ABI3BP: variants seen among roughly 807,000 people sequenced by gnomAD.
ABI3BP encodes ABI family member 3 binding protein, also known as target of Nesh-SH3.
ABI3BP carries 216 observed loss-of-function variants against 268.6 expected under a neutral mutation model. The ratio of observed to expected loss-of-function variants is 0.80; its 90% confidence interval spans 0.72 to 0.90. The LOEUF (loss-of-function observed/expected upper bound fraction) is 0.90. Among genes scored for constraint, ABI3BP ranks in the 40% least tolerant of loss-of-function variants. The pLI is 0.00. For missense variants in ABI3BP, 2,090 were observed against 2,182.4 expected (o/e 0.96, Z 0.84); for synonymous variants, 730 against 730.0 (o/e 1.00, Z 0.00).
At chr3:100,828,690 G>C (rs2098433754) in intron 33 of ABI3BP, among the ~76,000 whole-genome samples, 1 of 152,082 alleles carries the variant, frequency 6.6e-6, no homozygotes, top group Non-Finnish European at 1.5e-5. Flanking sequence ...TCCATGTGAA[G>C]TGTCCCAGGA....
rs149574897 is a variant in ABI3BP, at chr3:100,816,184, A to G, written c.3230-213T>C. The G allele has an allele frequency of 2.9e-3, 1,485 of 518,672 alleles. 16 individuals carry two copies. The highest frequency in any genetic ancestry group is 0.026 in the African/African-American group (1,348 of 51,528). The allele number at this position is 518,672 out of a possible 1,614,324, so 32.1% of individuals were successfully genotyped here. On this transcript the variant is annotated intron_variant, in intron 43 of 67. Transcript: ENST00000471714. ...AGTTACAACCTTTGAACTCTGTTACATATCTTGATATTATCCACATGAGGT... is the reference window on the plus strand; with the variant it reads ...AGTTACAACCTTTGAACTCTGTTACGTATCTTGATATTATCCACATGAGGT...
chr3:100,857,528 T>G (rs547160650), intron 14 of ABI3BP, among the ~76,000 whole-genome samples: 2 of 152,290 alleles, frequency 1.3e-5, no homozygotes, highest in African/African-American at 4.8e-5. Flanking sequence ...AGAATAAGCT[T>G]CAGGGACTGG....
At chr3:100,785,759 A>G (rs2097020453) in intron 57 of ABI3BP, among the ~76,000 whole-genome samples, 1 of 152,134 alleles carries the variant, frequency 6.6e-6, no homozygotes, top group African/African-American at 2.4e-5. Context: ...TGCTGGTGTG[A>G]ATTTTGGCAG....
chr3:100,819,489 T>G (rs2098142309), intron 40 of ABI3BP, among the ~76,000 whole-genome samples: 1 of 152,166 alleles, frequency 6.6e-6, no homozygotes, highest in Admixed American at 6.5e-5. Flanking sequence ...TTGACTATAC[T>G]ACAGAGTAAG....
In ABI3BP at chr3:100,803,974, T is replaced by C. The variant is rs539196394; in HGVS notation, c.3757+818A>G. On this transcript the variant is annotated intron_variant, in intron 51 of 67. Transcript: ENST00000471714. The stretch of plus-strand genomic sequence containing the variant: ...TCATTTTAAACTATAGCTTAGAAAT[T>C]CTTTGGCTCTGGAAATGTTCTATAT... 1.6e-4 allele frequency among the ~76,000 whole-genome samples: 24 copies of C among 152,296 alleles called. No individual in the cohort carries two copies. The South Asian group carries it at 4.8e-3, about 30-fold the overall frequency.
chr3:100,914,401 G>A (rs913425729), intron 2 of ABI3BP: 6 of 453,974 alleles, frequency 1.3e-5, no homozygotes. Context: ...GGCAGGCTGA[G>A]CTCATACTAA....
At chr3:100,839,443 G>A in intron 24 of ABI3BP, 126 bp downstream of exon 24, 1 of 1,018,216 alleles carries the variant, frequency 9.8e-7, no homozygotes, top group Admixed American at 2.0e-5. Flanking sequence ...AGACAGGAAA[G>A]GTGAGGAAAA....
At chr3:100,937,084 C>T (rs2153693439) in intron 1 of ABI3BP, among the ~76,000 whole-genome samples, 1 of 152,090 alleles carries the variant, frequency 6.6e-6, no homozygotes, top group East Asian at 1.9e-4. Flanking sequence ...ATTTGGCCTG[C>T]AGGTCATAGT....
chr3:100,867,653 A>G (rs961652026), intron 9 of ABI3BP, among the ~76,000 whole-genome samples: 1 of 150,432 alleles, frequency 6.6e-6, no homozygotes, highest in Admixed American at 6.6e-5. Context: ...AAAAAAAAAA[A>G]AAAAAAAAGA....
At chr3:100,850,966 T>C (rs1313873815) in intron 15 of ABI3BP, among the ~76,000 whole-genome samples, 1 of 152,246 alleles carries the variant, frequency 6.6e-6, no homozygotes, top group African/African-American at 2.4e-5. Flanking sequence ...GTTTTATACA[T>C]TCAACTGGTT....
chr3:100,822,732 T>C, intron 37 of ABI3BP, 60 bp from the exon 38 acceptor site: 1 of 1,461,744 alleles, frequency 6.8e-7, no homozygotes, highest in South Asian at 1.2e-5. Flanking sequence ...CTGGAAGCTG[T>C]GTGAGGTAAA....
intron 26 of ABI3BP, among the ~76,000 whole-genome samples, chr3:100,837,904 G>T (rs2098629705): frequency 6.6e-6 from 1 of 152,120 alleles, no homozygotes; most frequent in Admixed American, 6.6e-5. Flanking sequence ...TTACTAAAAT[G>T]ACTTTCAAAA....
intron 1 of ABI3BP, among the ~76,000 whole-genome samples, chr3:100,941,274 C>T (rs986485322): frequency 6.6e-6 from 1 of 151,938 alleles, no homozygotes; most frequent in Non-Finnish European, 1.5e-5. Context: ...AGACATGCTC[C>T]CACACGCAAC....
intron 1 of ABI3BP, among the ~76,000 whole-genome samples, chr3:100,936,354 G>A (rs2066128104): frequency 6.6e-6 from 1 of 152,122 alleles, no homozygotes; most frequent in Non-Finnish European, 1.5e-5. Context: ...TAAGCTTTTT[G>A]ATGTGCTGCT....
chr3:100,923,907 C>T (rs1457974683), intron 2 of ABI3BP, among the ~76,000 whole-genome samples: 4 of 152,226 alleles, frequency 2.6e-5, no homozygotes, highest in Non-Finnish European at 4.4e-5. Context: ...GCTGAGACCA[C>T]CTAAACACAT....
intron 4 of ABI3BP, among the ~76,000 whole-genome samples, chr3:100,897,778 T>A (rs1233194927): frequency 6.6e-6 from 1 of 152,252 alleles, no homozygotes; most frequent in Admixed American, 6.5e-5. Flanking sequence ...GTTTAAATTA[T>A]ACCTCAATAA....
chr3:100,821,897 A>G (rs1579027387), intron 38 of ABI3BP, among the ~76,000 whole-genome samples: 2 of 151,862 alleles, frequency 1.3e-5, no homozygotes, highest in East Asian at 3.9e-4. Context: ...CACTGCGCCC[A>G]GCAAAGTAAG....
chr3:100,811,906 A>G (rs965328753), intron 46 of ABI3BP, 107 bp from the exon 47 acceptor site: 38 of 810,412 alleles, frequency 4.7e-5, no homozygotes, highest in Non-Finnish European at 6.3e-5. Flanking sequence ...TTAAGCAGAT[A>G]TATTCTTGAG....
chr3:100,822,799 C>T, intron 37 of ABI3BP, 127 bp from the exon 38 acceptor site: 1 of 694,638 alleles, frequency 1.4e-6, no homozygotes, highest in Non-Finnish European at 2.5e-6. Context: ...ATTTTTGTCA[C>T]ATGCATTCCT....
Sources: gnomAD v4.1 joint callset for allele counts (sites outside exome capture counted in the v4.1 genomes callset) on GRCh38, gnomAD v4.1.1 for gene constraint, MANE v1.5 for transcripts, NCBI Gene and HGNC (gene_info 2026-07-23, HGNC 2026-07-21) for gene names.